The following DNAAF6 variants were observed in gnomAD, a reference collection of about 807,000 sequenced individuals.
DNAAF6 encodes the protein dynein axonemal assembly factor 6.
A neutral mutation model predicts 13.7 loss-of-function variants in DNAAF6; 3 were observed. The observed-to-expected ratio is 0.22, with a 90% confidence interval of 0.10 to 0.56. DNAAF6 has a LOEUF of 0.56. DNAAF6 is among the 20% of genes least tolerant of loss of function. DNAAF6 has a pLI of 0.92. For missense variants in DNAAF6, 130 were observed against 151.0 expected, an observed-to-expected ratio of 0.86 and a Z score of 0.73; for synonymous variants, 54 against 49.2, an observed-to-expected ratio of 1.10 and a Z score of -0.41.
chrX:107,213,286 ATGT>A (rs933605503), intron 2 of DNAAF6, among the ~76,000 whole-genome samples: 6 of 112,356 alleles, frequency 5.3e-5, no homozygotes, highest in African/African-American at 1.9e-4. Context: ...ACATCTCAAA[ATGT>A]TGTCATTTAT....
At chrX:107,208,246 T>C (rs927496344) in intron 1 of DNAAF6, among the ~76,000 whole-genome samples, 1 of 109,839 alleles carries the variant, frequency 9.1e-6, no homozygotes, top group Non-Finnish European at 1.9e-5. Context: ...ATAACAAAAA[T>C]TAGCCGGCGA....
intron 5 of DNAAF6, among the ~76,000 whole-genome samples, chrX:107,229,127 C>CTTT (rs768372176): frequency 0.015 from 779 of 51,560 alleles, 237 homozygotes; most frequent in African/African-American, 0.084. Flanking sequence ...GTTGACTACT[C>CTTT]TTTTTTTTTT....
chrX:107,225,318 A>G (rs1053572642), intron 5 of DNAAF6, among the ~76,000 whole-genome samples: 8 of 111,270 alleles, frequency 7.2e-5, no homozygotes, highest in Non-Finnish European at 1.5e-4. Flanking sequence ...GCTCAAATGT[A>G]TATGCTTATC....
chrX:107,229,395 A>T (rs757339168), intron 5 of DNAAF6, among the ~76,000 whole-genome samples: 1 of 107,501 alleles, frequency 9.3e-6, no homozygotes, highest in South Asian at 4.2e-4. Flanking sequence ...CAAAGTGCTG[A>T]GATTACAGGC....
At chrX:107,237,976 G>A (rs967535792) in intron 5 of DNAAF6, among the ~76,000 whole-genome samples, 37 of 111,754 alleles carry the variant, frequency 3.3e-4, no homozygotes, top group Admixed American at 2.0e-3. Context: ...GCGGGACTGC[G>A]TCTCCCACAA....
intron 4 of DNAAF6, among the ~76,000 whole-genome samples, chrX:107,222,137 G>A (rs5962807): frequency 0.37 from 40,016 of 109,485 alleles, 7,968 homozygotes; most frequent in African/African-American, 0.76. Context: ...TAAGCACTAT[G>A]GTGTAGCTGT....
chrX:107,236,139 TAAAC>T (rs1176844768), intron 5 of DNAAF6, among the ~76,000 whole-genome samples: 2 of 111,283 alleles, frequency 1.8e-5, no homozygotes, highest in Non-Finnish European at 3.8e-5. Flanking sequence ...GTCTCAAAAA[TAAAC>T]AGTTAATTTT....
intron 5 of DNAAF6, 72 bp from the exon 6 acceptor site, chrX:107,238,850 A>G (rs992158844): frequency 1.3e-5 from 15 of 1,170,375 alleles, no homozygotes; most frequent in Non-Finnish European, 1.7e-5. Context: ...TCTTTTCCCC[A>G]TATATTCTTA....
chrX:107,218,803 A>G (rs1928054794), intron 3 of DNAAF6, 61 bp from the exon 4 acceptor site: 2 of 1,078,912 alleles, frequency 1.9e-6, no homozygotes, highest in African/African-American at 3.8e-5. Context: ...GAAGAAGAAC[A>G]GGAGCAATTT....
chrX:107,223,543 A>C (rs894435737), intron 5 of DNAAF6, among the ~76,000 whole-genome samples: 1 of 111,456 alleles, frequency 9.0e-6, no homozygotes, highest in Non-Finnish European at 1.9e-5. Context: ...AGAGTGTGGA[A>C]TTTGATTCAT....
chrX:107,219,183 C>A (rs750436591), intron 4 of DNAAF6, among the ~76,000 whole-genome samples: 19 of 111,734 alleles, frequency 1.7e-4, no homozygotes, highest in Admixed American at 1.5e-3. Context: ...TACTATCTAG[C>A]AAAAATGAAA....
At chrX:107,220,913 TTCTTTC>T (rs1169335971) in intron 4 of DNAAF6, among the ~76,000 whole-genome samples, 2 of 24,412 alleles carry the variant, frequency 8.2e-5, no homozygotes, top group African/African-American at 2.4e-4. Flanking sequence ...CTTTCTTTCT[TTCTTTC>T]TTTCTTTCTT....
chrX:107,228,873 G>A (rs757785808), intron 5 of DNAAF6, among the ~76,000 whole-genome samples: 2 of 110,484 alleles, frequency 1.8e-5, no homozygotes, highest in Admixed American at 9.7e-5. Context: ...CTGTCACCTC[G>A]GCCTTCCAAA....
chrX:107,241,728 G>C (rs1928627843), intron 6 of DNAAF6, among the ~76,000 whole-genome samples: 1 of 111,773 alleles, frequency 8.9e-6, no homozygotes, highest in Non-Finnish European at 1.9e-5. Flanking sequence ...CAGTTGTACA[G>C]TTCTACTGTT....
Position 107,244,226 on chromosome X carries a change from T to G in DNAAF6, c.*928T>G, listed in dbSNP as rs1253627905. On this transcript the variant is annotated 3_prime_UTR_variant, in exon 7 of 7. Transcript: ENST00000372453. ...GAAATCCTTGACTTTAAAATAAATTTAAAGTGTGGCACATTTACAAATCCT... is the reference window on the plus strand; with the variant it reads ...GAAATCCTTGACTTTAAAATAAATTGAAAGTGTGGCACATTTACAAATCCT... 1 of 112,437 alleles carries G rather than the reference T, an allele frequency of 8.9e-6. No individual in the cohort carries two copies. The highest frequency in any genetic ancestry group is 1.9e-5 in the Non-Finnish European group (1 of 53,224). The allele number at this position is 112,437 out of a possible 1,213,427, so 9.3% of individuals were successfully genotyped here.
At chrX:107,224,195 C>T (rs1928207383) in intron 5 of DNAAF6, among the ~76,000 whole-genome samples, 2 of 111,405 alleles carry the variant, frequency 1.8e-5, no homozygotes, top group African/African-American at 6.5e-5. Flanking sequence ...GGAGACAAAA[C>T]TAACATAAAT....
chrX:107,241,791 C>T (rs973507996), intron 6 of DNAAF6, among the ~76,000 whole-genome samples: 3 of 111,516 alleles, frequency 2.7e-5, no homozygotes, highest in Non-Finnish European at 3.8e-5. Context: ...GAAATGCAGG[C>T]GTAGATGGAT....
intron 5 of DNAAF6, among the ~76,000 whole-genome samples, chrX:107,229,125 C>CTTTTTTTTTTTTTTTTT (rs1569375032): frequency 1.7e-5 from 1 of 57,799 alleles, no homozygotes; most frequent in African/African-American, 1.3e-4. Context: ...CTGTTGACTA[C>CTTTTTTTTTTTTTTTTT]TCTTTTTTTT....
chrX:107,234,603 T>G (rs186224795), intron 5 of DNAAF6, among the ~76,000 whole-genome samples: 1 of 112,374 alleles, frequency 8.9e-6, no homozygotes, highest in African/African-American at 3.2e-5. Context: ...TCTGTATTTC[T>G]GTCAAATGGA....
Sources: allele counts gnomAD v4.1 joint callset (sites outside exome capture counted in the v4.1 genomes callset), GRCh38; gene constraint gnomAD v4.1.1; transcripts MANE v1.5; gene names NCBI Gene and HGNC (gene_info 2026-07-23, HGNC 2026-07-21).